Variants in ZNF208 observed in about 807,000 individuals in gnomAD.
The protein encoded by ZNF208 is zinc finger protein 208, also known as zinc finger protein 95.
A neutral mutation model predicts 12.1 loss-of-function variants in ZNF208; 10 were observed. That is an observed-to-expected ratio of 0.83 (90% confidence interval 0.51 to 1.40). ZNF208 has a LOEUF of 1.40. Ranked by LOEUF, ZNF208 falls within the 40% of genes most tolerant of loss-of-function variation. The probability of loss-of-function intolerance (pLI) is 0.00; values close to 1 mark genes in which losing one functional copy is unlikely to be tolerated. For missense variants in ZNF208, 1,652 were observed against 1,485.0 expected (o/e 1.11, Z -1.85); for synonymous variants, 497 against 488.4 (o/e 1.02, Z -0.23).
At chr19:21,977,661 G>C (rs2145556302) in intron 3 of ZNF208, among the ~76,000 whole-genome samples, 1 of 152,294 alleles carries the variant, frequency 6.6e-6, no homozygotes, top group South Asian at 2.1e-4. Flanking sequence ...CATTTGAGCA[G>C]ACACCAAACT....
intron 3 of ZNF208, among the ~76,000 whole-genome samples, chr19:21,981,817 C>CT (rs1970544050): frequency 1.3e-5 from 2 of 152,156 alleles, no homozygotes; most frequent in Admixed American, 1.3e-4. Context: ...ACCCCACTGT[C>CT]TCAGCCCAAG....
At chr19:21,963,680 T>C (rs942649168), downstream of ZNF208, among the ~76,000 whole-genome samples, 3 of 152,038 alleles carry the variant, frequency 2.0e-5, no homozygotes, top group African/African-American at 7.2e-5. Flanking sequence ...ACTAATGCCA[T>C]GTTTGTTACC....
chr19:21,957,873 T>C (rs915440841), intron 4 of ZNF208, among the ~76,000 whole-genome samples: 2 of 151,990 alleles, frequency 1.3e-5, no homozygotes, highest in African/African-American at 4.8e-5. Context: ...TTAGGGTACC[T>C]GTGCACAATG....
intron 1 of ZNF208, among the ~76,000 whole-genome samples, chr19:22,002,319 C>A (rs1970968338): frequency 6.6e-6 from 1 of 152,054 alleles, no homozygotes; most frequent in Non-Finnish European, 1.5e-5. Context: ...CTCCTATATT[C>A]AATATAAAAT....
chr19:21,969,294 T>C lies in ZNF208; in HGVS notation c.*1897A>G, dbSNP rs903221005. On this transcript the variant is annotated 3_prime_UTR_variant, in exon 4 of 4. Transcript: ENST00000397126. ...TGTGTCTGGAAAAAAAAAAAATCTGTGTTTTGAAGAAAAAAGTATACTTTA... is the reference window on the plus strand; with the variant it reads ...TGTGTCTGGAAAAAAAAAAAATCTGCGTTTTGAAGAAAAAAGTATACTTTA... Among the ~76,000 whole-genome samples, 8 of 151,966 alleles carry C rather than the reference T, an allele frequency of 5.3e-5. No individual in the cohort carries two copies. Among genetic ancestry groups the C allele is most frequent in the Non-Finnish European group, 1.2e-4 (8 of 67,982 alleles).
chr19:21,953,324 G>T (rs532948776), intron 4 of ZNF208, among the ~76,000 whole-genome samples: 1 of 152,144 alleles, frequency 6.6e-6, no homozygotes, highest in African/African-American at 2.4e-5. Context: ...ATCCCACAAA[G>T]ATATTCCTCG....
chr19:21,985,632 C>T (rs1407319671), intron 3 of ZNF208, among the ~76,000 whole-genome samples: 1 of 152,200 alleles, frequency 6.6e-6, no homozygotes, highest in African/African-American at 2.4e-5. Flanking sequence ...CTCCTCCCAG[C>T]CACAGTCTGT....
At chr19:21,996,378 G>A (rs1250583425) in intron 1 of ZNF208, among the ~76,000 whole-genome samples, 9 of 152,094 alleles carry the variant, frequency 5.9e-5, no homozygotes, top group Admixed American at 5.9e-4. Flanking sequence ...TTAAGGTTAA[G>A]GATATGGAAT....
intron 3 of ZNF208, among the ~76,000 whole-genome samples, chr19:21,975,405 A>G (rs1008425322): frequency 3.3e-5 from 5 of 152,180 alleles, no homozygotes; most frequent in African/African-American, 1.2e-4. Context: ...ACTTTTCAGA[A>G]GAAAGATAAA....
intron 1 of ZNF208, among the ~76,000 whole-genome samples, chr19:22,003,658 T>A (rs1157231524): frequency 6.6e-6 from 1 of 152,168 alleles, no homozygotes; most frequent in Non-Finnish European, 1.5e-5. Context: ...TGGCCATTAT[T>A]ATAATTCAAC....
intron 4 of ZNF208, among the ~76,000 whole-genome samples, chr19:21,953,597 G>A (rs1226043372): frequency 6.6e-6 from 1 of 152,150 alleles, no homozygotes; most frequent in African/African-American, 2.4e-5. Context: ...ATCCTTTACA[G>A]ACATGCAAAT....
chr19:21,952,274 C>T (rs554554294), intron 4 of ZNF208, among the ~76,000 whole-genome samples: 1 of 152,234 alleles, frequency 6.6e-6, no homozygotes, highest in African/African-American at 2.4e-5. Flanking sequence ...ATGTTCCTGT[C>T]TGACAGCTCT....
At chr19:21,950,491 C>CTTTT (rs59845229) in intron 4 of ZNF208, among the ~76,000 whole-genome samples, 3 of 137,790 alleles carry the variant, frequency 2.2e-5, no homozygotes, top group African/African-American at 2.7e-5. Flanking sequence ...TAGCCCTGTT[C>CTTTT]TTTTTTTTTT....
At chr19:21,943,798 A>C (rs1028407299) in intron 4 of ZNF208, among the ~76,000 whole-genome samples, 7 of 152,226 alleles carry the variant, frequency 4.6e-5, no homozygotes, top group Admixed American at 1.3e-4. Flanking sequence ...TGAGAACATC[A>C]TGACTTTAAT....
intron 3 of ZNF208, among the ~76,000 whole-genome samples, chr19:21,984,821 C>T (rs1250950028): frequency 6.6e-6 from 1 of 152,028 alleles, no homozygotes; most frequent in Non-Finnish European, 1.5e-5. Context: ...ATGTTGCAGG[C>T]ATTAAAGTTC....
chr19:21,974,435 G>A lies in ZNF208; in HGVS notation c.599C>T (p.Ser200Phe), dbSNP rs561185999. The A allele has an allele frequency of 1.9e-5, 31 of 1,613,772 alleles. No individual in the cohort carries two copies. The Admixed American group carries it at 3.3e-4, about 17-fold the overall frequency. Residue 200 changes from serine to phenylalanine, a missense_variant, in exon 4 of 4, where the codon TCC becomes TTC. This residue lies in a region of ZNF208 where 410 missense variants were observed against 378.2 expected (regional missense o/e 1.08). Transcript: ENST00000397126. ...QHKRIYTREN[S>F]YKCEEGGKAF... ...TTTGCCACCTTCTTCACATTTGTAG[G>A]AATTCTCTCTAGTATAAATTCTTTT...
intron 4 of ZNF208, among the ~76,000 whole-genome samples, chr19:21,951,063 A>T (rs1238190462): frequency 1.3e-5 from 2 of 152,264 alleles, no homozygotes; most frequent in Admixed American, 6.5e-5. Flanking sequence ...TAGAATACAA[A>T]CATCTTAAAC....
intron 3 of ZNF208, among the ~76,000 whole-genome samples, chr19:21,982,154 G>A (rs892146309): frequency 2.0e-5 from 3 of 151,756 alleles, no homozygotes; most frequent in Non-Finnish European, 4.4e-5. Context: ...TCAGGAGATC[G>A]AGATCATCCT....
intron 1 of ZNF208, chr19:21,998,302 G>A (rs1414286166): frequency 6.6e-6 from 1 of 151,958 alleles, no homozygotes. Flanking sequence ...CTATCGGCGT[G>A]TGCCACCACA....
Sources: allele counts gnomAD v4.1 joint callset (sites outside exome capture counted in the v4.1 genomes callset), GRCh38; gene constraint gnomAD v4.1.1; regional missense constraint gnomAD v4.1.1; transcripts MANE v1.5; gene names NCBI Gene and HGNC (gene_info 2026-07-23, HGNC 2026-07-21).